The following SLC2A9 variants were observed in gnomAD, a reference collection of about 807,000 sequenced individuals.
SLC2A9 encodes the protein solute carrier family 2, facilitated glucose transporter member 9.
In SLC2A9, 39 loss-of-function variants were observed where a neutral mutation model predicts 50.6. The ratio of observed to expected loss-of-function variants is 0.77; its 90% confidence interval spans 0.60 to 1.01. The LOEUF is 1.01. Among genes scored for constraint, SLC2A9 ranks in the 50% least tolerant of loss-of-function variants. SLC2A9 has a pLI of 0.00. For synonymous variants in SLC2A9, 324 were observed against 276.9 expected (o/e 1.17, Z -1.69); for missense variants, 686 against 677.6 (o/e 1.01, Z -0.14).
chr4:9,985,760 T>G lies in SLC2A9; in HGVS notation c.444A>C (p.Ala148=). Residue 148 remains alanine, a synonymous_variant, in exon 4 of 12, where the codon GCA becomes GCC. Transcript: ENST00000264784. ...AGGCCATCAGCAATGCAGCAGAAAT[T>G]GCAAACCCATTATTGGCCAGCAAAG... ...KHTLLANNGF[A]ISAALLMACS... 1.2e-6 allele frequency: 2 copies of G among 1,614,042 alleles called. No individual in the cohort carries two copies. The highest frequency in any genetic ancestry group is 1.7e-6 in the Non-Finnish European group (2 of 1,179,882).
intron 3 of SLC2A9, among the ~76,000 whole-genome samples, chr4:9,789,675 G>A (rs1214890569): frequency 6.6e-6 from 1 of 152,232 alleles, no homozygotes; most frequent in Non-Finnish European, 1.5e-5. Context: ...GGCTTAAAGG[G>A]AATATGAGTA....
chr4:9,880,225 C>A (rs1372628614), intron 10 of SLC2A9: 1 of 985,482 alleles, frequency 1.0e-6, no homozygotes, highest in Non-Finnish European at 1.2e-6. Flanking sequence ...AAACTGTACA[C>A]TCTCAATGTG....
intron 10 of SLC2A9, among the ~76,000 whole-genome samples, chr4:9,838,862 T>C (rs1727535586): frequency 6.6e-6 from 1 of 152,154 alleles, no homozygotes; most frequent in African/African-American, 2.4e-5. Flanking sequence ...TCAAGATGGA[T>C]TAAATACTTA....
chr4:9,883,798 T>G (rs1365708740), intron 10 of SLC2A9, among the ~76,000 whole-genome samples: 1 of 152,188 alleles, frequency 6.6e-6, no homozygotes, highest in Admixed American at 6.5e-5. Context: ...TTAAACCACC[T>G]GCAAATACGT....
intron 3 of SLC2A9, among the ~76,000 whole-genome samples, chr4:9,793,109 C>G (rs1228107381): frequency 6.6e-6 from 1 of 152,202 alleles, no homozygotes; most frequent in Non-Finnish European, 1.5e-5. Flanking sequence ...CCCTTTGAGA[C>G]AGTTCATACT....
At chr4:9,831,827 A>T (rs974875940) in intron 11 of SLC2A9, among the ~76,000 whole-genome samples, 1 of 152,100 alleles carries the variant, frequency 6.6e-6, no homozygotes, top group Non-Finnish European at 1.5e-5. Context: ...GAGAGACTAC[A>T]TTGCACCTGC....
At chr4:9,978,042 C>A (rs532802313) in intron 5 of SLC2A9, among the ~76,000 whole-genome samples, 1 of 152,222 alleles carries the variant, frequency 6.6e-6, no homozygotes, top group East Asian at 1.9e-4. Context: ...CACAGGTGCA[C>A]GGTGTCCTAG....
chr4:9,951,898 G>A (rs1234495770), intron 5 of SLC2A9, among the ~76,000 whole-genome samples: 2 of 152,246 alleles, frequency 1.3e-5, no homozygotes, highest in Non-Finnish European at 2.9e-5. Context: ...TGCAGAATTA[G>A]AGTAGGTATC....
intron 9 of SLC2A9, 78 bp from the exon 10 acceptor site, chr4:9,887,720 CTCCA>C: frequency 5.0e-6 from 6 of 1,193,356 alleles, no homozygotes; most frequent in Non-Finnish European, 6.8e-6. Context: ...CCAGCTCCTC[CTCCA>C]TCCATCTGTG....
At chr4:10,025,857 T>C (rs901789947), upstream of SLC2A9, 1 of 1,589,936 alleles carries the variant, frequency 6.3e-7, no homozygotes, top group East Asian at 2.2e-5. Flanking sequence ...ACCCCCTGGG[T>C]GACCGGAATA....
chr4:9,779,539 C>T (rs1718042041), downstream of SLC2A9, among the ~76,000 whole-genome samples: 3 of 151,846 alleles, frequency 2.0e-5, no homozygotes, highest in South Asian at 6.3e-4. Context: ...CTCAGCCTCC[C>T]AAGTAGCTGG....
chr4:9,984,055 C>T lies in SLC2A9; in HGVS notation c.535+1614G>A, dbSNP rs936963648. Among the ~76,000 whole-genome samples the T allele has an allele frequency of 3.8e-4, 58 of 152,162 alleles. 2 individuals carry two copies. Among genetic ancestry groups the T allele is most frequent in the Admixed American group, 3.8e-3 (58 of 15,288 alleles). On this transcript the variant is annotated intron_variant, in intron 4 of 11. Coordinates refer to ENST00000264784, the MANE Select transcript of SLC2A9 (RefSeq NM_020041.3). ...GGTCAGTTATAAAACATTACATAGA[C>T]ACCAGCCATTATTCTTATGGATAAA...
chr4:9,890,478 T>C lies in SLC2A9; in HGVS notation c.1215+132A>G, dbSNP rs10939602. 311,237 of 860,262 alleles carry C rather than the reference T, an allele frequency of 0.36. 62,799 individuals carry two copies. Among genetic ancestry groups the C allele is most frequent in the African/African-American group, 0.73 (43,746 of 59,874 alleles). The allele number at this position is 860,262 out of a possible 1,614,324, so 53.3% of individuals were successfully genotyped here. ...CCTCAGCAGCTCCAGAGATGAGATGTCCCCGGGGAGAGCTTTATCACAAGT... is the reference window on the plus strand; with the variant it reads ...CCTCAGCAGCTCCAGAGATGAGATGCCCCCGGGGAGAGCTTTATCACAAGT... On this transcript the variant is annotated intron_variant, in intron 9 of 11. Transcript: ENST00000264784.
chr4:9,970,297 G>T (rs1236423467), intron 5 of SLC2A9, among the ~76,000 whole-genome samples: 1 of 152,184 alleles, frequency 6.6e-6, no homozygotes, highest in Non-Finnish European at 1.5e-5. Flanking sequence ...ACTTCACAGG[G>T]AGCCTTGCAG....
At chr4:9,794,358 G>A (rs1445015347), downstream of SLC2A9, among the ~76,000 whole-genome samples, 4 of 152,168 alleles carry the variant, frequency 2.6e-5, no homozygotes, top group Admixed American at 2.0e-4. Context: ...GTTTCACCAT[G>A]TTGGTCAGGT....
downstream of SLC2A9, among the ~76,000 whole-genome samples, chr4:9,822,350 G>A (rs1560152262): frequency 2.0e-5 from 3 of 151,674 alleles, no homozygotes; most frequent in Admixed American, 2.0e-4. Flanking sequence ...TGAATAGTTT[G>A]CTTTTATTTT....
intron 10 of SLC2A9, among the ~76,000 whole-genome samples, chr4:9,842,816 C>T (rs761579152): frequency 6.6e-6 from 1 of 152,150 alleles, no homozygotes; most frequent in Non-Finnish European, 1.5e-5. Context: ...GTCTTCTTTG[C>T]TATCTTGTTT....
At chr4:9,785,577 T>C (rs761754195) in intron 3 of SLC2A9, among the ~76,000 whole-genome samples, 1 of 152,256 alleles carries the variant, frequency 6.6e-6, no homozygotes, top group Non-Finnish European at 1.5e-5. Context: ...TGAAAAACAC[T>C]GTTCTAGGCT....
intron 10 of SLC2A9, among the ~76,000 whole-genome samples, chr4:9,858,232 T>C (rs1731040320): frequency 6.6e-6 from 1 of 152,176 alleles, no homozygotes; most frequent in South Asian, 2.1e-4. Context: ...AAATATGAAG[T>C]AGACCTGGGG....
Sources: gnomAD v4.1 joint callset for allele counts (sites outside exome capture counted in the v4.1 genomes callset) on GRCh38, gnomAD v4.1.1 for gene constraint, MANE v1.5 for transcripts, NCBI Gene and HGNC (gene_info 2026-07-23, HGNC 2026-07-21) for gene names.